CAMSAP2: variants seen among roughly 807,000 people sequenced by gnomAD.
The protein encoded by CAMSAP2 is calmodulin regulated spectrin associated protein family member 2, also known as calmodulin-regulated spectrin-associated protein 2.
A neutral mutation model predicts 146.1 loss-of-function variants in CAMSAP2; 26 were observed. The observed-to-expected ratio is 0.18, with a 90% CI of 0.13 to 0.25. The LOEUF is 0.25. Among genes scored for constraint, CAMSAP2 ranks in the 10% least tolerant of loss-of-function variants. The pLI is 1.00. For synonymous variants in CAMSAP2, 499 were observed against 596.6 expected (o/e 0.84, Z 2.38); for missense variants, 1,381 against 1,759.3 (o/e 0.78, Z 3.85).
At chr1:200,748,935 C>T (rs1265982299) in intron 1 of CAMSAP2, among the ~76,000 whole-genome samples, 1 of 152,030 alleles carries the variant, frequency 6.6e-6, no homozygotes, top group Non-Finnish European at 1.5e-5. Context: ...TTACCTTGAT[C>T]CAATGGTAGC....
At chr1:200,807,335 A>C (rs780126552) in intron 2 of CAMSAP2, 41 bp from the exon 3 acceptor site, 4 of 1,391,784 alleles carry the variant, frequency 2.9e-6, no homozygotes, top group Non-Finnish European at 3.8e-6. Flanking sequence ...CAATTTCTAA[A>C]TATAATTTTT....
At chr1:200,821,425 C>T (rs549310814) in intron 4 of CAMSAP2, among the ~76,000 whole-genome samples, 61 of 152,292 alleles carry the variant, frequency 4.0e-4, no homozygotes, top group Admixed American at 1.1e-3. Context: ...TCAAGCAGTC[C>T]GCCTGCCTTG....
chr1:200,803,740 G>C (rs995255403), intron 2 of CAMSAP2, among the ~76,000 whole-genome samples: 2 of 152,150 alleles, frequency 1.3e-5, no homozygotes, highest in Non-Finnish European at 2.9e-5. Context: ...AAGTTAATCA[G>C]TGAAATGAGC....
chr1:200,853,134 G>A lies in CAMSAP2; in HGVS notation c.3603-141G>A, dbSNP rs538571477. 7.9e-5 allele frequency: 56 copies of A among 708,444 alleles called. No homozygotes were observed. Among genetic ancestry groups the A allele is most frequent in the Middle Eastern group, 8.2e-4 (2 of 2,426 alleles). 43.9% of individuals were successfully genotyped at this position (708,444 alleles called of 1,614,324 possible). A position where few individuals can be genotyped will look rare whatever the true frequency, so the allele number is the denominator to read the frequency against. On this transcript the variant is annotated intron_variant, in intron 12 of 16. Transcript: ENST00000358823. This position sits in a 1 kb window ranked among gnomAD's most constrained non-coding sequence, Gnocchi z 5.1. ...CTTAATCCCATGTCTCAGCAGAATC[G>A]TCAAGTACCTTTTAAATGAACCATT...
At chr1:200,821,750 C>T (rs1056679900) in intron 4 of CAMSAP2, among the ~76,000 whole-genome samples, 2 of 152,134 alleles carry the variant, frequency 1.3e-5, no homozygotes, top group Admixed American at 6.5e-5. Context: ...ACCTAGAGTA[C>T]GTCCCTGTTC....
At chr1:200,771,021 C>G (rs918216751) in intron 2 of CAMSAP2, among the ~76,000 whole-genome samples, 1 of 152,118 alleles carries the variant, frequency 6.6e-6, no homozygotes, top group Admixed American at 6.5e-5. Flanking sequence ...ATCCTTTTTC[C>G]TGTCCTTGTG....
chr1:200,837,294 C>T (rs1667209129), intron 6 of CAMSAP2, among the ~76,000 whole-genome samples: 1 of 151,922 alleles, frequency 6.6e-6, no homozygotes, highest in South Asian at 2.1e-4. Flanking sequence ...GTCTGTTTTC[C>T]ATCTTCTGAG....
At position 200,761,093 on chromosome 1, in the gene CAMSAP2, C is replaced by T; in HGVS notation, c.394C>T (p.Gln132Ter). Residue 132 changes from glutamine (Q) to a stop codon, truncating the protein, a stop_gained, in exon 2 of 17, where the codon CAG becomes TAG. Coordinates refer to ENST00000358823, the MANE Select transcript of CAMSAP2 (RefSeq NM_203459.4). LOFTEE classifies it high-confidence loss of function. Reference sequence around the variant, plus strand: ...ACGAGATCTCCACAAGAAACCCATACAGATGGTGAGTCTTTATATACCCAA... The same window carrying T: ...ACGAGATCTCCACAAGAAACCCATATAGATGGTGAGTCTTTATATACCCAA... Reference protein sequence around the residue: ...TERDLHKKPIQMSAHLAMIDT... With the variant: ...TERDLHKKPI The T allele has an allele frequency of 6.2e-7, 1 of 1,613,920 alleles. No homozygotes were observed. The highest frequency in any genetic ancestry group is 8.5e-7 in the Non-Finnish European group (1 of 1,179,860).
At chr1:200,774,653 A>G (rs574956629) in intron 2 of CAMSAP2, among the ~76,000 whole-genome samples, 1 of 152,356 alleles carries the variant, frequency 6.6e-6, no homozygotes, top group Non-Finnish European at 1.5e-5. Context: ...GAGCAGTCTT[A>G]TACAGGAGAT....
intron 2 of CAMSAP2, among the ~76,000 whole-genome samples, chr1:200,766,119 A>G (rs574602170): frequency 6.6e-6 from 1 of 151,036 alleles, no homozygotes; most frequent in East Asian, 1.9e-4. Flanking sequence ...TCTATTGTTT[A>G]TTTATGAGAC....
At chr1:200,820,346 A>G (rs1257523662) in intron 4 of CAMSAP2, among the ~76,000 whole-genome samples, 1 of 152,028 alleles carries the variant, frequency 6.6e-6, no homozygotes, top group African/African-American at 2.4e-5. Context: ...ATGAGACACC[A>G]CCCCAGCCAA....
At position 200,857,598 on chromosome 1, in the gene CAMSAP2, A is replaced by C; in HGVS notation, c.4132-156A>C. The C allele has an allele frequency of 2.4e-6, 2 of 825,758 alleles. No homozygotes were observed. Among genetic ancestry groups the C allele is most frequent in the Non-Finnish European group, 3.7e-6 (2 of 537,454 alleles). 51.2% of individuals were successfully genotyped at this position (825,758 alleles called of 1,614,324 possible). ...CACATTAGGTTCTGGAAGCCTGCAG[A>C]TTTTATTAAAGACTAGCAATAGGCT... On this transcript the variant is annotated intron_variant, in intron 16 of 16. Transcript: ENST00000358823. This position sits in a 1 kb window ranked among gnomAD's most constrained non-coding sequence, Gnocchi z 4.7.
At chr1:200,843,917 G>A (rs974930528) in intron 7 of CAMSAP2, among the ~76,000 whole-genome samples, 2 of 151,922 alleles carry the variant, frequency 1.3e-5, no homozygotes, top group Admixed American at 1.3e-4. Context: ...TGTTGCCCAG[G>A]CTGGAGTGCA....
intron 1 of CAMSAP2, among the ~76,000 whole-genome samples, chr1:200,749,726 A>G (rs578253475): frequency 2.6e-5 from 4 of 152,290 alleles, no homozygotes; most frequent in African/African-American, 9.6e-5. Context: ...TTTATTTATA[A>G]TAGAATTGAA....
chr1:200,825,509 CTTT>C (rs750646682), intron 4 of CAMSAP2, among the ~76,000 whole-genome samples: 9 of 141,674 alleles, frequency 6.4e-5, no homozygotes, highest in Non-Finnish European at 9.3e-5. Flanking sequence ...TTCTTTCTTC[CTTT>C]TTTTTTTTTT....
At chr1:200,749,172 T>C (rs962041627) in intron 1 of CAMSAP2, among the ~76,000 whole-genome samples, 1 of 152,254 alleles carries the variant, frequency 6.6e-6, no homozygotes, top group Admixed American at 6.5e-5. Context: ...CTGTCTCTAC[T>C]GCATTAGCCT....
chr1:200,766,799 G>A (rs1256824309), intron 2 of CAMSAP2, among the ~76,000 whole-genome samples: 2 of 152,194 alleles, frequency 1.3e-5, no homozygotes, highest in Non-Finnish European at 2.9e-5. Flanking sequence ...TAGAAATGGT[G>A]TGCCACCTGG....
intron 6 of CAMSAP2, among the ~76,000 whole-genome samples, chr1:200,836,889 A>G (rs973677230): frequency 6.6e-6 from 1 of 151,966 alleles, no homozygotes; most frequent in Non-Finnish European, 1.5e-5. Context: ...GTGTATGTCT[A>G]TGTCTTTTGA....
chr1:200,806,356 C>CA (rs1434723482), intron 2 of CAMSAP2, among the ~76,000 whole-genome samples: 1 of 152,126 alleles, frequency 6.6e-6, no homozygotes, highest in Non-Finnish European at 1.5e-5. Flanking sequence ...ATTGTAAAGT[C>CA]AAACAAGAGT....
Sources: allele counts gnomAD v4.1 joint callset (sites outside exome capture counted in the v4.1 genomes callset), GRCh38; gene constraint gnomAD v4.1.1; non-coding constraint Gnocchi (gnomAD v3.1); transcripts MANE v1.5; gene names NCBI Gene and HGNC (gene_info 2026-07-23, HGNC 2026-07-21).